The following PANK3 variants were observed in gnomAD, a reference collection of about 807,000 sequenced individuals.
PANK3 encodes the protein hPanK3.
PANK3 carries 20 observed loss-of-function variants against 39.4 expected under a neutral mutation model. The observed-to-expected ratio is 0.51, with a 90% CI of 0.36 to 0.74. The LOEUF is 0.74. Among genes scored for constraint, PANK3 ranks in the 30% least tolerant of loss-of-function variants. PANK3 has a pLI of 0.00. For missense variants in PANK3, 265 were observed against 437.0 expected, an observed-to-expected ratio of 0.61 and a Z score of 3.51; for synonymous variants, 140 against 157.3, an observed-to-expected ratio of 0.89 and a Z score of 0.82.
upstream of PANK3, chr5:168,579,368 C>CCTAGTGT: frequency 8.4e-7 from 1 of 1,191,018 alleles, no homozygotes; most frequent in Non-Finnish European, 1.1e-6. Flanking sequence ...CTGGGCCGCG[C>CCTAGTGT]GGCGAGGCCC....
chr5:168,575,971 G>A lies in PANK3; in HGVS notation c.28+3285C>T, dbSNP rs561479941. 1.1e-4 allele frequency among the ~76,000 whole-genome samples: 17 copies of A among 152,190 alleles called. No individual in the cohort carries two copies. In the South Asian group the frequency reaches 3.3e-3, roughly 30 times the overall value. On this transcript the variant is annotated intron_variant, in intron 1 of 6. Coordinates refer to ENST00000239231, the MANE Select transcript of PANK3 (RefSeq NM_024594.4). Reference sequence around the variant, plus strand: ...ATTCTAGATAACGCTTCAACTTCCTGGATAAGACATTTCACTATTCTCAAT... The same window carrying A: ...ATTCTAGATAACGCTTCAACTTCCTAGATAAGACATTTCACTATTCTCAAT...
At chr5:168,557,664 G>C (rs772198306) in intron 6 of PANK3, 43 bp from the exon 7 acceptor site, 1 of 1,509,704 alleles carries the variant, frequency 6.6e-7, no homozygotes, top group South Asian at 1.1e-5. Context: ...CAGCTTTTAA[G>C]TTAGCATATA....
At chr5:168,570,499 GC>G in intron 1 of PANK3, among the ~76,000 whole-genome samples, 1 of 151,910 alleles carries the variant, frequency 6.6e-6, no homozygotes, top group South Asian at 2.1e-4. Context: ...GCTCAATGTA[GC>G]AGGGGAATAT....
At chr5:168,574,614 C>A (rs1055590199) in intron 1 of PANK3, among the ~76,000 whole-genome samples, 2 of 152,154 alleles carry the variant, frequency 1.3e-5, no homozygotes, top group African/African-American at 4.8e-5. Context: ...GTAATCCTAG[C>A]ACTATGGGAG....
chr5:168,557,617 T>C lies in PANK3; in HGVS notation c.1067A>G (p.Tyr356Cys). 3 of 1,613,412 alleles carry C rather than the reference T, an allele frequency of 1.9e-6. No individual in the cohort carries two copies. Among genetic ancestry groups the C allele is most frequent in the Non-Finnish European group, 2.5e-6 (3 of 1,179,624 alleles). Residue 356 changes from tyrosine (Y) to cysteine (C), a missense_variant, in exon 7 of 7, where the codon TAC becomes TGC. Coordinates refer to ENST00000239231, the MANE Select transcript of PANK3 (RefSeq NM_024594.4). ...LKALFLEHEG[Y>C]FGAVGALLGL... Reference sequence around the variant, plus strand: ...AAGAAGTGCACCAACTGCTCCAAAGTAACCCTGTGTAATTTAAAAATAACT... The same window carrying C: ...AAGAAGTGCACCAACTGCTCCAAAGCAACCCTGTGTAATTTAAAAATAACT...
At chr5:168,565,801 T>C (rs933000354) in intron 3 of PANK3, among the ~76,000 whole-genome samples, 6 of 149,272 alleles carry the variant, frequency 4.0e-5, no homozygotes, top group African/African-American at 1.2e-4. Flanking sequence ...GACAGGCAGA[T>C]TGCTTGAGCT....
rs528071108 is a variant in PANK3 at position 168,551,860 on chromosome 5, C to A, written c.*5711G>T. ...GGGCTTTCAATTACCATGTATATTA[C>A]TGGCAATAGTACTGACTTTACCCAA... On this transcript the variant is annotated 3_prime_UTR_variant, in exon 7 of 7. Coordinates refer to ENST00000239231, the MANE Select transcript of PANK3 (RefSeq NM_024594.4). 6.6e-6 allele frequency: 1 copy of A among 152,144 alleles called. No individual in the cohort carries two copies. Among genetic ancestry groups the A allele is most frequent in the Non-Finnish European group, 1.5e-5 (1 of 68,028 alleles). The allele number at this position is 152,144 out of a possible 1,614,324, so 9.4% of individuals were successfully genotyped here.
chr5:168,572,283 T>G (rs1271615286), intron 1 of PANK3, among the ~76,000 whole-genome samples: 1 of 152,032 alleles, frequency 6.6e-6, no homozygotes, highest in African/African-American at 2.4e-5. Context: ...CCAACTAATT[T>G]TTTTATTTTT....
chr5:168,575,888 T>G (rs1453356574), intron 1 of PANK3, among the ~76,000 whole-genome samples: 2 of 152,160 alleles, frequency 1.3e-5, no homozygotes. Context: ...TGAAAAACGC[T>G]CGAAACATAG....
rs1478567833 is a variant in PANK3, at chr5:168,561,311, A to T, written c.936+82T>A. On this transcript the variant is annotated intron_variant, in intron 5 of 6. Transcript: ENST00000239231. ...CAATCCCAGAGGCCTCCTTAGGGAA[A>T]GTGAAGAAGCCCTGCTAGGTGTATA... 1.2e-5 allele frequency: 16 copies of T among 1,282,666 alleles called. No homozygotes were observed. The Admixed American group carries it at 3.1e-4, about 25-fold the overall frequency. The allele number at this position is 1,282,666 out of a possible 1,614,324, so 79.5% of individuals were successfully genotyped here.
chr5:168,568,975 T>C lies in PANK3; in HGVS notation c.52A>G (p.Ile18Val). 4 of 1,489,978 alleles carry C rather than the reference T, an allele frequency of 2.7e-6. No homozygotes were observed. The highest frequency in any genetic ancestry group is 3.6e-6 in the Non-Finnish European group (4 of 1,109,142). 92.3% of individuals were successfully genotyped at this position (1,489,978 alleles called of 1,614,324 possible). A position where few individuals can be genotyped will look rare whatever the true frequency, so the allele number is the denominator to read the frequency against. Reference protein sequence around the residue: ...KPSFPWFGMDIGGTLVKLSYF... With the variant: ...KPSFPWFGMDVGGTLVKLSYF... Reference sequence around the variant, plus strand: ...GAGAGCTTTACTAGAGTTCCCCCAATGTCCATGCCAAACCATGGGAAAGCT... The same window carrying C: ...GAGAGCTTTACTAGAGTTCCCCCAACGTCCATGCCAAACCATGGGAAAGCT... The change falls in exon 2 of 7, where the codon ATT becomes GTT. Residue 18 changes from isoleucine (I) to valine (V), a missense_variant. Physicochemically the swap from Ile to Val is conservative, Grantham distance 29. Coordinates refer to ENST00000239231, the MANE Select transcript of PANK3 (RefSeq NM_024594.4).
intron 1 of PANK3, chr5:168,578,654 G>C (rs1272709220): frequency 6.6e-6 from 1 of 152,210 alleles, no homozygotes; most frequent in Non-Finnish European, 1.5e-5. Context: ...ATAGCGGTTC[G>C]CTCCGGGTGC....
intron 2 of PANK3, among the ~76,000 whole-genome samples, chr5:168,567,131 T>C (rs1346829181): frequency 6.6e-6 from 1 of 152,200 alleles, no homozygotes; most frequent in Non-Finnish European, 1.5e-5. Flanking sequence ...TGTTTGGAAT[T>C]TTACCAAGTG....
intron 5 of PANK3, 25 bp downstream of exon 5, chr5:168,561,368 A>T: frequency 6.4e-7 from 1 of 1,557,604 alleles, no homozygotes; most frequent in Non-Finnish European, 8.6e-7. Context: ...TGATAATTCA[A>T]GTTTTGTGTT....
At chr5:168,563,867 A>G in intron 4 of PANK3, 22 bp downstream of exon 4, 1 of 1,549,904 alleles carries the variant, frequency 6.5e-7, no homozygotes, top group East Asian at 2.3e-5. Context: ...TGTAACTTAA[A>G]TAACACAAAT....
intron 1 of PANK3, among the ~76,000 whole-genome samples, chr5:168,573,555 T>C (rs1024566591): frequency 1.3e-5 from 2 of 151,654 alleles, no homozygotes; most frequent in African/African-American, 2.4e-5. Flanking sequence ...AGTTTTAGGG[T>C]ACATGTGCAC....
chr5:168,569,026 A>AT lies in PANK3; in HGVS notation c.29-29_29-28insA, dbSNP rs1190074252. ...ATGGGAGGAAAAAAAAAAAAAAAAA[A>AT]AAAAATATATATATATATATATATC... On this transcript the variant is annotated intron_variant, in intron 1 of 6. Coordinates refer to ENST00000239231, the MANE Select transcript of PANK3 (RefSeq NM_024594.4). The AT allele has an allele frequency of 3.8e-4, 116 of 306,010 alleles. No individual in the cohort carries two copies. The African/African-American group carries it at 3.9e-3, about 10-fold the overall frequency. The allele number at this position is 306,010 out of a possible 1,614,324, so 19.0% of individuals were successfully genotyped here.
At chr5:168,573,617 C>A (rs1159541243) in intron 1 of PANK3, among the ~76,000 whole-genome samples, 1 of 151,130 alleles carries the variant, frequency 6.6e-6, no homozygotes, top group Non-Finnish European at 1.5e-5. Flanking sequence ...GTACGCTGCA[C>A]CAACTCGTCA....
rs1759233747 is a variant in PANK3 at position 168,548,950 on chromosome 5, A to G, written c.*8621T>C. 6.6e-6 allele frequency: 1 copy of G among 152,218 alleles called. No individual in the cohort carries two copies. Among genetic ancestry groups the G allele is most frequent in the Admixed American group, 6.5e-5 (1 of 15,286 alleles). The allele number at this position is 152,218 out of a possible 1,614,324, so 9.4% of individuals were successfully genotyped here. A position where few individuals can be genotyped will look rare whatever the true frequency, so the allele number is the denominator to read the frequency against. ...GATGTAATAGAATGAGGCAACTGAAACTGAAATGGCATGTGTAAGTAAAAT... is the reference window on the plus strand; with the variant it reads ...GATGTAATAGAATGAGGCAACTGAAGCTGAAATGGCATGTGTAAGTAAAAT... On this transcript the variant is annotated 3_prime_UTR_variant, in exon 7 of 7. Transcript: ENST00000239231.
Sources: gnomAD v4.1 joint callset for allele counts (sites outside exome capture counted in the v4.1 genomes callset) on GRCh38, gnomAD v4.1.1 for gene constraint, MANE v1.5 for transcripts, NCBI Gene and HGNC (gene_info 2026-07-23, HGNC 2026-07-21) for gene names.